The following TENM2 variants were observed in gnomAD, a reference collection of about 807,000 sequenced individuals.
The protein encoded by TENM2 is teneurin-2.
TENM2 carries 52 observed loss-of-function variants against 245.2 expected under a neutral mutation model. The observed-to-expected ratio is 0.21, with a 90% CI of 0.17 to 0.27. The LOEUF (loss-of-function observed/expected upper bound fraction) is 0.27, where lower values mean the gene tolerates loss of function less well. TENM2 is among the 10% of genes least tolerant of loss of function. The probability of loss-of-function intolerance (pLI) is 1.00; values close to 1 mark genes in which losing one functional copy is unlikely to be tolerated. For missense variants in TENM2, 3,046 were observed against 3,666.8 expected (o/e 0.83, Z 4.37); for synonymous variants, 1,363 against 1,438.9 (o/e 0.95, Z 1.19).
At chr5:168,225,718 G>A (rs1239896690) in intron 23 of TENM2, among the ~76,000 whole-genome samples, 2 of 147,878 alleles carry the variant, frequency 1.4e-5, no homozygotes, top group African/African-American at 5.0e-5. Context: ...CGGAGATTGT[G>A]CCACTGCACT....
At chr5:167,809,182 T>G (rs765292802) in intron 2 of TENM2, among the ~76,000 whole-genome samples, 4 of 152,160 alleles carry the variant, frequency 2.6e-5, no homozygotes, top group Non-Finnish European at 4.4e-5. Context: ...GCTTCAACCC[T>G]CTTGCTCCCG....
chr5:167,531,133 G>A (rs1314381369), intron 2 of TENM2, among the ~76,000 whole-genome samples: 1 of 152,176 alleles, frequency 6.6e-6, no homozygotes, highest in Non-Finnish European at 1.5e-5. Context: ...GTGGCTTCCT[G>A]TATTTTTGAG....
At chr5:168,011,719 G>A (rs557106637) in intron 5 of TENM2, among the ~76,000 whole-genome samples, 22 of 152,196 alleles carry the variant, frequency 1.4e-4, no homozygotes, top group African/African-American at 5.1e-4. Context: ...TGACTGAACT[G>A]GTCAGCTCTA....
chr5:167,439,522 A>G (rs1764764930), intron 2 of TENM2, among the ~76,000 whole-genome samples: 1 of 152,214 alleles, frequency 6.6e-6, no homozygotes, highest in African/African-American at 2.4e-5. Flanking sequence ...CTTAAAGTCA[A>G]AGCATGAATT....
In TENM2 at chr5:167,408,588, G is replaced by A. The variant is rs554383397; in HGVS notation, c.502+33115G>A. Among the ~76,000 whole-genome samples, 211 of 152,008 alleles carry A rather than the reference G, an allele frequency of 1.4e-3. 1 individual carries two copies. The highest frequency in any genetic ancestry group is 2.7e-3 in the Non-Finnish European group (182 of 67,944). On this transcript the variant is annotated intron_variant, in intron 2 of 28. Transcript: ENST00000518659. ...TTTACTGCGGTCTTTATGAAAGATC[G>A]ATTCCATTAAGTAGGTACATTTCAG...
At chr5:167,070,018 A>G in the TENM2 span, among the ~76,000 whole-genome samples, 68 of 152,286 alleles carry the variant, frequency 4.5e-4, no homozygotes, top group East Asian at 0.012. Flanking sequence ...TGTTAAATGT[A>G]CCGTCTTAAA....
chr5:167,667,885 G>C (rs975575838), intron 2 of TENM2, among the ~76,000 whole-genome samples: 4 of 152,180 alleles, frequency 2.6e-5, no homozygotes, highest in African/African-American at 9.7e-5. Context: ...TTCTCTGTCT[G>C]AGCACTTAAG....
At chr5:167,558,780 G>A (rs912185169) in intron 2 of TENM2, among the ~76,000 whole-genome samples, 3 of 151,524 alleles carry the variant, frequency 2.0e-5, no homozygotes, top group East Asian at 1.9e-4. Flanking sequence ...TAGTCATCCC[G>A]AAATCATCCC....
chr5:167,653,709 G>A (rs1458776758), intron 2 of TENM2: 1 of 152,134 alleles, frequency 6.6e-6, no homozygotes, highest in Non-Finnish European at 1.5e-5. Context: ...TCCAGAGGTG[G>A]GTCATGTGAC....
intron 2 of TENM2, among the ~76,000 whole-genome samples, chr5:167,377,271 A>T (rs746116874): frequency 4.6e-5 from 7 of 152,174 alleles, no homozygotes; most frequent in Admixed American, 1.3e-4. Context: ...CTGCGAGTCT[A>T]TGTAAATCCC....
At chr5:167,813,826 T>C (rs1239177235) in intron 2 of TENM2, among the ~76,000 whole-genome samples, 1 of 152,170 alleles carries the variant, frequency 6.6e-6, no homozygotes, top group Non-Finnish European at 1.5e-5. Context: ...TTTTAAATCC[T>C]TGAACCTGTG....
chr5:167,740,697 A>G lies in TENM2; in HGVS notation c.503-135289A>G, dbSNP rs561050109. ...TTAGCCTCAGTTACTGGGCCTAGGG[A>G]CCCGTGAGAGGGATCTGATATAGCT... On this transcript the variant is annotated intron_variant, in intron 2 of 28. Coordinates refer to ENST00000518659, the Ensembl canonical transcript of TENM2. 2.0e-5 allele frequency among the ~76,000 whole-genome samples: 3 copies of G among 152,226 alleles called. No homozygotes were observed. The East Asian group carries it at 5.8e-4, about 29-fold the overall frequency.
At chr5:167,891,013 A>G (rs1774711427) in intron 3 of TENM2, among the ~76,000 whole-genome samples, 1 of 152,222 alleles carries the variant, frequency 6.6e-6, no homozygotes, top group Admixed American at 6.5e-5. Context: ...CTGGTGGACC[A>G]TATTTAGTCT....
At chr5:167,285,234 G>C (rs1771265332) in intron 1 of TENM2, among the ~76,000 whole-genome samples, 171 bp downstream of exon 3, 1 of 152,130 alleles carries the variant, frequency 6.6e-6, no homozygotes. Flanking sequence ...TCTCTATCCT[G>C]AGAAACCTAA....
intron 2 of TENM2, among the ~76,000 whole-genome samples, chr5:167,850,337 C>G (rs927697733): frequency 1.3e-5 from 2 of 152,090 alleles, no homozygotes; most frequent in Non-Finnish European, 2.9e-5. Context: ...TACCACAAGG[C>G]CAGGTTGAGA....
intron 2 of TENM2, among the ~76,000 whole-genome samples, chr5:167,438,835 C>G (rs572640687): frequency 2.2e-4 from 33 of 150,994 alleles, no homozygotes; most frequent in Admixed American, 5.3e-4. Context: ...CTCTTGTCAC[C>G]CAGACTGGAG....
chr5:167,670,576 A>G (rs1187577101), intron 2 of TENM2, among the ~76,000 whole-genome samples: 1 of 152,086 alleles, frequency 6.6e-6, no homozygotes, highest in East Asian at 1.9e-4. Flanking sequence ...TTCAAATTGC[A>G]ATGAACGTTA....
At chr5:167,120,463 G>A in the TENM2 span, among the ~76,000 whole-genome samples, 38 of 152,278 alleles carry the variant, frequency 2.5e-4, no homozygotes, top group African/African-American at 8.9e-4. Context: ...GAAGCTTGCT[G>A]TTCCTCAAAA....
chr5:167,894,972 A>C (rs370087861), intron 3 of TENM2, among the ~76,000 whole-genome samples: 1 of 121,026 alleles, frequency 8.3e-6, no homozygotes, highest in East Asian at 3.0e-4. Flanking sequence ...GAAGGAAGGA[A>C]GGAAGGAAGG....
Sources: allele counts gnomAD v4.1 joint callset (sites outside exome capture counted in the v4.1 genomes callset), GRCh38; gene constraint gnomAD v4.1.1; transcripts MANE v1.5; gene names NCBI Gene and HGNC (gene_info 2026-07-23, HGNC 2026-07-21).